Variants in ASIC2 observed in about 807,000 individuals in gnomAD.
The protein encoded by ASIC2 is acid-sensing ion channel 2.
ASIC2 carries 25 observed loss-of-function variants against 57.3 expected under a neutral mutation model. That is an observed-to-expected ratio of 0.44 (90% CI 0.32 to 0.61). ASIC2 has a LOEUF of 0.61. Ranked by LOEUF, ASIC2 falls within the 20% of genes least tolerant of loss-of-function variation. The pLI, the probability that ASIC2 is intolerant of heterozygous loss-of-function variation, is 0.06. For missense variants in ASIC2, 641 were observed against 738.1 expected (o/e 0.87, Z 1.52); for synonymous variants, 319 against 307.5 (o/e 1.04, Z -0.39).
chr17:33,933,194 C>G (rs77536254), intron 1 of ASIC2, among the ~76,000 whole-genome samples: 3 of 152,302 alleles, frequency 2.0e-5, no homozygotes, highest in African/African-American at 7.2e-5. Flanking sequence ...CTCCCCTGGA[C>G]AGTTGCATGC....
intron 1 of ASIC2, among the ~76,000 whole-genome samples, chr17:33,474,971 G>C (rs1273538430): frequency 6.6e-6 from 1 of 152,106 alleles, no homozygotes; most frequent in African/African-American, 2.4e-5. Flanking sequence ...TGATCGTCCT[G>C]CCTCCAGGCT....
intron 1 of ASIC2, among the ~76,000 whole-genome samples, chr17:33,929,109 G>A (rs1192930945): frequency 6.6e-6 from 1 of 152,166 alleles, no homozygotes; most frequent in African/African-American, 2.4e-5. Flanking sequence ...AACTGCCTCA[G>A]TAAGTGAATC....
intron 1 of ASIC2, among the ~76,000 whole-genome samples, chr17:34,022,228 C>G (rs940134149): frequency 5.9e-5 from 9 of 152,068 alleles, no homozygotes; most frequent in African/African-American, 2.2e-4. Context: ...TGTGCCTAAC[C>G]CTAAACTGAT....
chr17:33,953,347 G>A (rs866414934), intron 1 of ASIC2, among the ~76,000 whole-genome samples: 42 of 151,990 alleles, frequency 2.8e-4, no homozygotes, highest in African/African-American at 9.7e-4. Flanking sequence ...CCCTATGTCT[G>A]GTACTTAAAT....
intron 1 of ASIC2, among the ~76,000 whole-genome samples, chr17:33,673,560 A>G (rs969079232): frequency 1.3e-5 from 2 of 152,214 alleles, no homozygotes; most frequent in Non-Finnish European, 2.9e-5. Flanking sequence ...CAAAGGCTCC[A>G]GGACCACATA....
chr17:33,503,017 G>T (rs1914146158), intron 1 of ASIC2, among the ~76,000 whole-genome samples: 2 of 152,198 alleles, frequency 1.3e-5, no homozygotes, highest in Non-Finnish European at 2.9e-5. Context: ...ATAATACCTT[G>T]TGATTCAGCC....
intron 1 of ASIC2, chr17:33,936,399 G>T (rs979285255): frequency 1.3e-5 from 2 of 152,220 alleles, no homozygotes; most frequent in African/African-American, 4.8e-5. Context: ...GCCCAGGCGA[G>T]GTGGTCTGTG....
intron 1 of ASIC2, among the ~76,000 whole-genome samples, chr17:33,264,992 G>A (rs996231397): frequency 4.6e-5 from 7 of 152,252 alleles, no homozygotes; most frequent in African/African-American, 1.4e-4. Context: ...CCCTGATTAT[G>A]TGGCTGTGGC....
At chr17:33,196,030 T>A (rs1031300736) in intron 1 of ASIC2, among the ~76,000 whole-genome samples, 8 of 152,338 alleles carry the variant, frequency 5.3e-5, no homozygotes, top group African/African-American at 1.9e-4. Flanking sequence ...GTGTGCCGGA[T>A]ACCCCGCCAG....
At chr17:33,049,942 T>C (rs967247058) in intron 3 of ASIC2, among the ~76,000 whole-genome samples, 1 of 152,166 alleles carries the variant, frequency 6.6e-6, no homozygotes, top group Non-Finnish European at 1.5e-5. Context: ...CTCATGCCTG[T>C]GCTCTTTTGT....
intron 1 of ASIC2, among the ~76,000 whole-genome samples, chr17:33,598,157 C>A (rs565857994): frequency 6.6e-6 from 1 of 152,320 alleles, no homozygotes; most frequent in African/African-American, 2.4e-5. Context: ...AATGACTATT[C>A]ATGAAATTTC....
In ASIC2 at chr17:33,316,847, A is replaced by C. The variant is rs948766735; in HGVS notation, c.556-204780T>G. On this transcript the variant is annotated intron_variant, in intron 1 of 9. Coordinates refer to the ASIC2 transcript ENST00000359872. ...CTGGGTAACATTTGGGCAAGAATAA[A>C]ATCCACTTTGGAGATTTTCCAGACA... is the stretch of plus-strand genomic sequence containing the variant. 2.6e-5 allele frequency among the ~76,000 whole-genome samples: 4 copies of C among 152,320 alleles called. No individual in the cohort carries two copies. In the South Asian group the frequency reaches 6.2e-4, roughly 24 times the overall value.
At chr17:33,544,491 T>A (rs1915518972) in intron 1 of ASIC2, among the ~76,000 whole-genome samples, 1 of 152,228 alleles carries the variant, frequency 6.6e-6, no homozygotes, top group South Asian at 2.1e-4. Flanking sequence ...TTCTGTACCT[T>A]TTTAAATTCT....
intron 1 of ASIC2, among the ~76,000 whole-genome samples, chr17:34,136,228 T>C (rs534612672): frequency 6.6e-6 from 1 of 152,196 alleles, no homozygotes; most frequent in South Asian, 2.1e-4. Context: ...CTGAAGGAAA[T>C]CTCAGTATTT....
intron 1 of ASIC2, among the ~76,000 whole-genome samples, chr17:33,505,853 A>G (rs1318820187): frequency 6.6e-6 from 1 of 152,182 alleles, no homozygotes; most frequent in Non-Finnish European, 1.5e-5. Context: ...AAGCCTGGCT[A>G]CCCCAGCACC....
intron 1 of ASIC2, among the ~76,000 whole-genome samples, chr17:33,903,665 G>C (rs1915278092): frequency 6.6e-6 from 1 of 152,190 alleles, no homozygotes; most frequent in African/African-American, 2.4e-5. Flanking sequence ...AGTTTGAGTA[G>C]ATGATGACAT....
chr17:33,469,294 G>C (rs1250069562), intron 1 of ASIC2, among the ~76,000 whole-genome samples: 1 of 152,180 alleles, frequency 6.6e-6, no homozygotes, highest in Non-Finnish European at 1.5e-5. Flanking sequence ...GGCGGGCTGT[G>C]CTTCAGGGCA....
At chr17:33,679,948 G>A (rs1025143010) in intron 1 of ASIC2, among the ~76,000 whole-genome samples, 5 of 152,154 alleles carry the variant, frequency 3.3e-5, no homozygotes, top group African/African-American at 1.2e-4. Flanking sequence ...ATAGCCTGGT[G>A]AGGACGGTAT....
At chr17:33,248,392 C>G (rs1445050284) in intron 1 of ASIC2, among the ~76,000 whole-genome samples, 1 of 152,192 alleles carries the variant, frequency 6.6e-6, no homozygotes, top group Non-Finnish European at 1.5e-5. Flanking sequence ...ATGAGAGAGG[C>G]AGCCACTGGG....
Sources: gnomAD v4.1 joint callset for allele counts (sites outside exome capture counted in the v4.1 genomes callset) on GRCh38, gnomAD v4.1.1 for gene constraint, MANE v1.5 for transcripts, NCBI Gene and HGNC (gene_info 2026-07-23, HGNC 2026-07-21) for gene names.